Variants in FAT4 observed in about 807,000 individuals in gnomAD.
FAT4 encodes protocadherin Fat 4.
A neutral mutation model predicts 303.9 loss-of-function variants in FAT4; 84 were observed. The observed-to-expected ratio is 0.28, with a 90% CI of 0.23 to 0.33. The LOEUF (loss-of-function observed/expected upper bound fraction) is 0.33, where lower values mean the gene tolerates loss of function less well. FAT4 is among the 10% of genes least tolerant of loss of function. FAT4 has a pLI of 1.00. For missense variants in FAT4, 6,005 were observed against 6,146.8 expected, an observed-to-expected ratio of 0.98 and a Z score of 0.77; for synonymous variants, 2,307 against 2,298.8, an observed-to-expected ratio of 1.00 and a Z score of -0.10.
At chr4:125,367,495 C>G (rs144623941) in intron 2 of FAT4, among the ~76,000 whole-genome samples, 1 of 152,138 alleles carries the variant, frequency 6.6e-6, no homozygotes, top group Admixed American at 6.5e-5. Context: ...TAAAGGACTG[C>G]GTATGTTTTA....
intron 2 of FAT4, among the ~76,000 whole-genome samples, chr4:125,391,515 T>C (rs562111629): frequency 2.0e-5 from 3 of 152,014 alleles, no homozygotes; most frequent in South Asian, 4.2e-4. Flanking sequence ...CCAAGGCTTG[T>C]TGGGGGCAGT....
At chr4:125,400,815 G>T (rs1391453148) in intron 3 of FAT4, among the ~76,000 whole-genome samples, 1 of 152,030 alleles carries the variant, frequency 6.6e-6, no homozygotes, top group Non-Finnish European at 1.5e-5. Context: ...TATATAAGAA[G>T]TACTTTTGAG....
intron 10 of FAT4, among the ~76,000 whole-genome samples, chr4:125,457,695 T>C (rs1319368186): frequency 6.6e-6 from 1 of 152,002 alleles, no homozygotes; most frequent in African/African-American, 2.4e-5. Flanking sequence ...ATGGATAAAG[T>C]TTATTATAGT....
intron 12 of FAT4, 44 bp from the exon 13 acceptor site, chr4:125,476,127 A>G: frequency 7.9e-7 from 1 of 1,267,458 alleles, no homozygotes; most frequent in East Asian, 2.4e-5. Flanking sequence ...GCTAATAGGG[A>G]CGGTAGAACT....
At chr4:125,429,500 A>G (rs551405896) in intron 7 of FAT4, among the ~76,000 whole-genome samples, 1 of 152,288 alleles carries the variant, frequency 6.6e-6, no homozygotes, top group African/African-American at 2.4e-5. Context: ...GATTTTTTTT[A>G]AGAATTCAAA....
chr4:125,384,636 C>CA (rs879408726), intron 2 of FAT4, among the ~76,000 whole-genome samples: 4 of 151,850 alleles, frequency 2.6e-5, no homozygotes, highest in African/African-American at 9.7e-5. Context: ...TCCTTCAAAG[C>CA]AAAAAAGGTT....
At chr4:125,479,056 G>T (rs1429335099) in intron 14 of FAT4, among the ~76,000 whole-genome samples, 1 of 152,050 alleles carries the variant, frequency 6.6e-6, no homozygotes, top group African/African-American at 2.4e-5. Context: ...ATGGCAGTAC[G>T]CTTTCACTTC....
At chr4:125,350,959 A>AATT (rs1282060804) in intron 2 of FAT4, among the ~76,000 whole-genome samples, 5 of 151,528 alleles carry the variant, frequency 3.3e-5, no homozygotes, top group South Asian at 4.2e-4. Flanking sequence ...AGGACACATA[A>AATT]ATTATTATTA....
In FAT4 at chr4:125,415,603, G is replaced by A. The variant is rs149686118; in HGVS notation, c.6640G>A (p.Ala2214Thr). The A allele has an allele frequency of 2.6e-5, 42 of 1,613,962 alleles. No individual in the cohort carries two copies. In the African/African-American group the frequency reaches 3.7e-4, roughly 14 times the overall value. ...IDSVTGAITV[A>T]KPLDREKTPT... ...CTCTGTCACAGGTGCCATCACTGTC[G>A]CTAAACCTTTGGATAGAGAAAAGAC... The change falls in exon 6 of 18, where the codon GCT becomes ACT. Residue 2214 changes from alanine (A) to threonine (T), a missense_variant. Physicochemically the swap from Ala to Thr is moderately conservative, Grantham distance 58. Transcript: ENST00000394329.
At chr4:125,377,019 C>G (rs781393562) in intron 2 of FAT4, among the ~76,000 whole-genome samples, 2 of 152,126 alleles carry the variant, frequency 1.3e-5, no homozygotes, top group Admixed American at 6.5e-5. Flanking sequence ...TTTCTCTTAT[C>G]ATAAGGGAAG....
At position 125,481,633 on chromosome 4, in the gene FAT4, G is replaced by T. The variant is rs769117964; in HGVS notation, c.12717G>T (p.Met4239Ile). 6.2e-7 allele frequency: 1 copy of T among 1,614,092 alleles called. No individual in the cohort carries two copies. Among genetic ancestry groups the T allele is most frequent in the Non-Finnish European group, 8.5e-7 (1 of 1,179,966 alleles). Residue 4239 changes from methionine to isoleucine, a missense_variant, in exon 16 of 18, where the codon ATG (methionine) becomes ATT (isoleucine). Met to Ile is a conservative substitution (Grantham distance 10). Transcript: ENST00000394329. ...YLLRQSLRGA[M>I]LEPFGVNSLE... ...TAAGGCAAAGCTTACGAGGTGCCATGTTGGAGCCTTTTGGTGTGAACAGTC... is the reference window on the plus strand; with the variant it reads ...TAAGGCAAAGCTTACGAGGTGCCATTTTGGAGCCTTTTGGTGTGAACAGTC...
chr4:125,406,708 T>G (rs905221055), intron 3 of FAT4, among the ~76,000 whole-genome samples, 172 bp from the exon 4 acceptor site: 1 of 152,208 alleles, frequency 6.6e-6, no homozygotes, highest in East Asian at 1.9e-4. Context: ...ACAAAGCTTT[T>G]ACCGCCTTCG....
At chr4:125,353,069 A>G (rs1032732387) in intron 2 of FAT4, among the ~76,000 whole-genome samples, 2 of 151,744 alleles carry the variant, frequency 1.3e-5, no homozygotes, top group South Asian at 2.1e-4. Flanking sequence ...AAATTTTAGC[A>G]GATTGTAAAT....
At chr4:125,463,766 T>G (rs752780625) in intron 11 of FAT4, 99 bp downstream of exon 11, 17 of 583,172 alleles carry the variant, frequency 2.9e-5, no homozygotes, top group Non-Finnish European at 5.0e-5. Context: ...AAAAAATTAT[T>G]GTTTTACATG....
intron 8 of FAT4, among the ~76,000 whole-genome samples, chr4:125,437,318 CTAGGAGTTAAGG>C (rs959173709): frequency 6.6e-6 from 1 of 152,088 alleles, no homozygotes; most frequent in African/African-American, 2.4e-5. Flanking sequence ...TCCAAGGAGA[CTAGGAGTTAAGG>C]TAGGAGTTAA....
intron 7 of FAT4, among the ~76,000 whole-genome samples, chr4:125,424,525 T>C (rs1326140467): frequency 6.6e-6 from 1 of 152,202 alleles, no homozygotes; most frequent in African/African-American, 2.4e-5. Flanking sequence ...AGGTATGGCC[T>C]TATAGCAGTG....
intron 11 of FAT4, among the ~76,000 whole-genome samples, chr4:125,464,457 G>T (rs370527731): frequency 6.6e-6 from 1 of 150,770 alleles, no homozygotes; most frequent in East Asian, 1.9e-4. Flanking sequence ...CCACAGCATA[G>T]AATCCATCTC....
Position 125,415,034 on chromosome 4 carries a change from C to T in FAT4, c.6071C>T (p.Pro2024Leu). ...YNLVVQVHDL[P>L]QIPASRFTST... ...TTGGTTGTTCAAGTGCATGACCTGCCACAGATTCCAGCCTCCAGATTCACA... is the reference window on the plus strand; with the variant it reads ...TTGGTTGTTCAAGTGCATGACCTGCTACAGATTCCAGCCTCCAGATTCACA... Residue 2024 changes from proline to leucine, a missense_variant, in exon 6 of 18, where the codon CCA (proline) becomes CTA (leucine). Pro to Leu is a moderately conservative substitution (Grantham distance 98, BLOSUM62 -3). Transcript: ENST00000394329. The T allele has an allele frequency of 6.2e-7, 1 of 1,614,052 alleles. No homozygotes were observed.
intron 2 of FAT4, among the ~76,000 whole-genome samples, chr4:125,346,811 G>C (rs1428132673): frequency 6.6e-6 from 1 of 151,974 alleles, no homozygotes; most frequent in Non-Finnish European, 1.5e-5. Flanking sequence ...TTTGGGAGGG[G>C]AACATGCAGC....
Sources: allele counts gnomAD v4.1 joint callset (sites outside exome capture counted in the v4.1 genomes callset), GRCh38; gene constraint gnomAD v4.1.1; transcripts MANE v1.5; gene names NCBI Gene and HGNC (gene_info 2026-07-23, HGNC 2026-07-21).